Variants in PRKCE observed in about 807,000 individuals in gnomAD.
PRKCE encodes the protein protein kinase C epsilon, also known as protein kinase C epsilon type.
In PRKCE, 16 loss-of-function variants were observed where a neutral mutation model predicts 85.4. The observed-to-expected ratio is 0.19, with a 90% CI of 0.13 to 0.28. The LOEUF is 0.28. Ranked by LOEUF, PRKCE falls within the 10% of genes least tolerant of loss-of-function variation. PRKCE has a pLI of 1.00. For missense variants in PRKCE, 573 were observed against 975.2 expected (o/e 0.59, Z 5.49); for synonymous variants, 388 against 371.5 (o/e 1.04, Z -0.51).
At chr2:46,099,054 A>G (rs1259256221) in intron 11 of PRKCE, among the ~76,000 whole-genome samples, 3 of 152,060 alleles carry the variant, frequency 2.0e-5, no homozygotes, top group African/African-American at 7.2e-5. Flanking sequence ...AATTGTTGCC[A>G]CCTTCTCTCT....
At chr2:45,831,008 C>G (rs1183360398) in intron 1 of PRKCE, among the ~76,000 whole-genome samples, 1 of 152,202 alleles carries the variant, frequency 6.6e-6, no homozygotes, top group African/African-American at 2.4e-5. Context: ...ATATGCAGTG[C>G]TACAGTTGTG....
At chr2:45,992,983 A>G (rs754167020) in intron 6 of PRKCE, among the ~76,000 whole-genome samples, 3 of 152,226 alleles carry the variant, frequency 2.0e-5, no homozygotes, top group Non-Finnish European at 4.4e-5. Flanking sequence ...AGCCCCTGGC[A>G]AAGCAGATCT....
chr2:45,932,515 C>G (rs909333822), intron 2 of PRKCE, among the ~76,000 whole-genome samples: 2 of 152,224 alleles, frequency 1.3e-5, no homozygotes, highest in African/African-American at 2.4e-5. Context: ...AATTTACACA[C>G]CCACCAACAG....
Position 45,917,453 on chromosome 2 carries a change from G to A in PRKCE, c.413-58976G>A, listed in dbSNP as rs547538839. Among the ~76,000 whole-genome samples, 5 of 152,212 alleles carry A rather than the reference G, an allele frequency of 3.3e-5. No individual in the cohort carries two copies. In the South Asian group the frequency reaches 8.3e-4, roughly 25 times the overall value. ...AGCTAGATACAGAGTGTCAATTGGTGCATTCACAAACCCTGAGCTAGACAC... is the reference window on the plus strand; with the variant it reads ...AGCTAGATACAGAGTGTCAATTGGTACATTCACAAACCCTGAGCTAGACAC... On this transcript the variant is annotated intron_variant, in intron 2 of 14. Transcript: ENST00000306156.
intron 1 of PRKCE, among the ~76,000 whole-genome samples, chr2:45,741,843 C>T (rs1450795339): frequency 6.6e-6 from 1 of 152,168 alleles, no homozygotes; most frequent in East Asian, 1.9e-4. Flanking sequence ...TCTCAGTGGG[C>T]ATGTGGAGAG....
intron 10 of PRKCE, among the ~76,000 whole-genome samples, chr2:46,012,226 A>G (rs1705744812): frequency 6.6e-6 from 1 of 152,218 alleles, no homozygotes. Context: ...ACCCACGGAC[A>G]GAATCAAAGA....
In PRKCE at chr2:46,065,712, G is replaced by T. The variant is rs903658599; in HGVS notation, c.1438-20496G>T. Among the ~76,000 whole-genome samples, 5 of 152,176 alleles carry T rather than the reference G, an allele frequency of 3.3e-5. No homozygotes were observed. In the South Asian group the frequency reaches 1.0e-3, roughly 32 times the overall value. On this transcript the variant is annotated intron_variant, in intron 10 of 14. Coordinates refer to ENST00000306156, the MANE Select transcript of PRKCE (RefSeq NM_005400.3). ...GAGGTCAGAAACATATGGCAAAAAG[G>T]AATTTAAATATTTTCCAATTAAAAA...
intron 8 of PRKCE, among the ~76,000 whole-genome samples, chr2:46,005,364 C>A (rs913545771): frequency 3.4e-4 from 51 of 152,162 alleles, no homozygotes; most frequent in South Asian, 2.1e-4. Flanking sequence ...TCAGATATGC[C>A]TGGTAAGGGA....
intron 13 of PRKCE, among the ~76,000 whole-genome samples, chr2:46,154,496 C>T (rs1191723976): frequency 1.6e-5 from 2 of 122,632 alleles, no homozygotes; most frequent in African/African-American, 3.0e-5. Flanking sequence ...CATTTCTCCT[C>T]GGCCCCCTGT....
chr2:46,082,088 T>C (rs139955428), intron 10 of PRKCE, among the ~76,000 whole-genome samples: 3 of 152,000 alleles, frequency 2.0e-5, no homozygotes, highest in Non-Finnish European at 2.9e-5. Flanking sequence ...AGCAAGACTC[T>C]CAAAAAAACT....
chr2:45,856,510 C>T (rs189792559), intron 2 of PRKCE, among the ~76,000 whole-genome samples: 5 of 152,324 alleles, frequency 3.3e-5, no homozygotes, highest in South Asian at 4.1e-4. Context: ...GGATTACAGG[C>T]GTGAGCCATG....
intron 1 of PRKCE, among the ~76,000 whole-genome samples, chr2:45,714,519 TA>T (rs1388334821): frequency 6.6e-6 from 1 of 152,248 alleles, no homozygotes; most frequent in Non-Finnish European, 1.5e-5. Context: ...AATGGCTCTT[TA>T]AATGAAACAC....
chr2:45,977,679 T>TG (rs1702567912), intron 3 of PRKCE, among the ~76,000 whole-genome samples: 1 of 150,848 alleles, frequency 6.6e-6, no homozygotes, highest in African/African-American at 2.4e-5. Context: ...GGGGCTGAGA[T>TG]AAAGATGATC....
chr2:46,008,089 G>A (rs1261145592), intron 9 of PRKCE, among the ~76,000 whole-genome samples: 1 of 152,148 alleles, frequency 6.6e-6, no homozygotes. Flanking sequence ...AGCAAACCTA[G>A]GGTTTAAAGC....
At chr2:45,660,732 G>A (rs1169163773) in intron 1 of PRKCE, among the ~76,000 whole-genome samples, 3 of 152,144 alleles carry the variant, frequency 2.0e-5, no homozygotes, top group Non-Finnish European at 4.4e-5. Context: ...TTCTCTCCAA[G>A]TTCCTCTGGG....
chr2:45,897,970 A>G (rs1284443709), intron 2 of PRKCE, among the ~76,000 whole-genome samples: 4 of 152,182 alleles, frequency 2.6e-5, no homozygotes, highest in East Asian at 3.8e-4. Context: ...TCTCTATGAT[A>G]GTCATTTCAG....
chr2:45,687,866 T>C (rs1221091704), intron 1 of PRKCE, among the ~76,000 whole-genome samples: 1 of 152,158 alleles, frequency 6.6e-6, no homozygotes, highest in Non-Finnish European at 1.5e-5. Flanking sequence ...ACAGCCCAGG[T>C]ATTAGGTTCT....
At chr2:46,012,753 G>A (rs1705793317) in intron 10 of PRKCE, among the ~76,000 whole-genome samples, 1 of 152,246 alleles carries the variant, frequency 6.6e-6, no homozygotes, top group African/African-American at 2.4e-5. Context: ...GGGAATGGAT[G>A]TCTTCAATGT....
chr2:45,803,848 C>T (rs535561363), intron 1 of PRKCE, among the ~76,000 whole-genome samples: 3 of 152,266 alleles, frequency 2.0e-5, no homozygotes, highest in Non-Finnish European at 4.4e-5. Context: ...TTATGCTTTG[C>T]AGGGTGAGTG....
Sources: allele counts gnomAD v4.1 joint callset (sites outside exome capture counted in the v4.1 genomes callset), GRCh38; gene constraint gnomAD v4.1.1; transcripts MANE v1.5; gene names NCBI Gene and HGNC (gene_info 2026-07-23, HGNC 2026-07-21).